The following LRBA variants were observed in gnomAD, a reference collection of about 807,000 sequenced individuals.
LRBA encodes lipopolysaccharide-responsive and beige-like anchor protein.
Under a neutral mutation model 330.0 loss-of-function variants are expected in LRBA, and 176 were observed. That is an observed-to-expected ratio of 0.53 (90% CI 0.47 to 0.60). LRBA has a LOEUF of 0.60. Ranked by LOEUF, LRBA falls within the 20% of genes least tolerant of loss-of-function variation. The pLI is 0.00. For missense variants in LRBA, 3,259 were observed against 3,444.8 expected (o/e 0.95, Z 1.35); for synonymous variants, 1,230 against 1,193.0 (o/e 1.03, Z -0.64).
At chr4:150,765,953 T>C (rs1735710124) in intron 34 of LRBA, among the ~76,000 whole-genome samples, 1 of 152,072 alleles carries the variant, frequency 6.6e-6, no homozygotes, top group African/African-American at 2.4e-5. Flanking sequence ...AAACTTATCT[T>C]GGTATGTCAC....
intron 35 of LRBA, among the ~76,000 whole-genome samples, chr4:150,752,817 A>T (rs1291148216): frequency 6.6e-6 from 1 of 152,188 alleles, no homozygotes; most frequent in Admixed American, 6.5e-5. Context: ...AAGCAAAAAG[A>T]CCAGGCTGCA....
chr4:150,551,823 A>G (rs1333989847), intron 40 of LRBA, among the ~76,000 whole-genome samples: 1 of 152,214 alleles, frequency 6.6e-6, no homozygotes, highest in South Asian at 2.1e-4. Flanking sequence ...ATGTGTATAT[A>G]TATTTTTTAC....
intron 30 of LRBA, among the ~76,000 whole-genome samples, chr4:150,826,662 C>T (rs1413060717): frequency 2.0e-5 from 3 of 152,012 alleles, no homozygotes; most frequent in African/African-American, 7.3e-5. Flanking sequence ...TGCTCCTGAC[C>T]ACCCAGAGCT....
intron 40 of LRBA, among the ~76,000 whole-genome samples, chr4:150,562,766 T>G (rs1351499093): frequency 6.6e-6 from 1 of 152,056 alleles, no homozygotes; most frequent in Non-Finnish European, 1.5e-5. Flanking sequence ...TCTTACTCAT[T>G]TTCATTTCTC....
intron 47 of LRBA, among the ~76,000 whole-genome samples, chr4:150,365,686 G>A (rs966508563): frequency 6.6e-6 from 1 of 151,514 alleles, no homozygotes; most frequent in African/African-American, 2.4e-5. Flanking sequence ...AGCTACTCAG[G>A]AGGCTGAGGC....
chr4:151,012,052 G>T (rs1744916649), intron 2 of LRBA, among the ~76,000 whole-genome samples: 1 of 152,096 alleles, frequency 6.6e-6, no homozygotes, highest in South Asian at 2.1e-4. Context: ...GACAATGGAA[G>T]GGGAGAAACT....
intron 44 of LRBA, among the ~76,000 whole-genome samples, chr4:150,443,859 T>A (rs1250465248): frequency 6.8e-4 from 34 of 49,904 alleles, no homozygotes; most frequent in East Asian, 1.5e-3. Flanking sequence ...AAAAAATATA[T>A]ATATATATAT....
chr4:150,799,010 A>G (rs1741197719), intron 33 of LRBA, among the ~76,000 whole-genome samples: 1 of 152,170 alleles, frequency 6.6e-6, no homozygotes, highest in Non-Finnish European at 1.5e-5. Context: ...TTTCTCCCGA[A>G]GAAAACTCTT....
intron 40 of LRBA, among the ~76,000 whole-genome samples, chr4:150,585,642 C>A (rs1039147831): frequency 3.9e-5 from 6 of 152,146 alleles, no homozygotes; most frequent in Admixed American, 3.9e-4. Context: ...ATACTCCATT[C>A]GCTATGCTAA....
rs1014542718 is a variant in LRBA, at chr4:150,528,848, A to C, written c.6331-37813T>G. On this transcript the variant is annotated intron_variant, in intron 40 of 56. Transcript: ENST00000651943. ...TGAAATAACTGGGAAAATGGCTGCA[A>C]ATACAGTTGCAAAATAATGACCTGA... 3.3e-5 allele frequency among the ~76,000 whole-genome samples: 5 copies of C among 152,220 alleles called. No individual in the cohort carries two copies. The South Asian group carries it at 8.3e-4, about 25-fold the overall frequency.
intron 30 of LRBA, among the ~76,000 whole-genome samples, chr4:150,821,651 C>T (rs1384059432): frequency 2.6e-5 from 4 of 152,058 alleles, no homozygotes; most frequent in Admixed American, 6.6e-5. Flanking sequence ...TGCTATTTTA[C>T]TTAACATGCA....
At chr4:150,363,432 G>C (rs1739003945) in intron 47 of LRBA, among the ~76,000 whole-genome samples, 2 of 151,978 alleles carry the variant, frequency 1.3e-5, no homozygotes, top group South Asian at 4.2e-4. Context: ...ATGCTTTCAT[G>C]GTAATCTTGC....
intron 2 of LRBA, among the ~76,000 whole-genome samples, chr4:150,929,809 A>T (rs1468115920): frequency 3.9e-5 from 6 of 151,990 alleles, no homozygotes; most frequent in Middle Eastern, 3.2e-3. Flanking sequence ...TTTTAAATAA[A>T]TTTTTTTAAA....
chr4:150,803,726 A>G (rs916194042), intron 33 of LRBA, among the ~76,000 whole-genome samples: 4 of 152,220 alleles, frequency 2.6e-5, no homozygotes, highest in African/African-American at 4.8e-5. Flanking sequence ...TAAGTTACAT[A>G]AGAACTCTTA....
chr4:150,483,387 A>G (rs1757513070), intron 42 of LRBA, among the ~76,000 whole-genome samples: 2 of 152,012 alleles, frequency 1.3e-5, no homozygotes, highest in African/African-American at 4.8e-5. Context: ...TAATGAATGT[A>G]ATTTTATATT....
At chr4:150,768,555 T>C (rs896923483) in intron 34 of LRBA, among the ~76,000 whole-genome samples, 3 of 152,272 alleles carry the variant, frequency 2.0e-5, no homozygotes, top group East Asian at 1.9e-4. Flanking sequence ...GACTATGACA[T>C]TGTGAGTGAT....
intron 2 of LRBA, among the ~76,000 whole-genome samples, chr4:150,982,086 T>A (rs987787998): frequency 3.3e-5 from 5 of 151,908 alleles, no homozygotes; most frequent in Admixed American, 3.3e-4. Context: ...AAATAATAAA[T>A]GTACAGGCCA....
At chr4:150,379,303 CAAAAAA>C (rs10634420) in intron 47 of LRBA, among the ~76,000 whole-genome samples, 1 of 59,882 alleles carries the variant, frequency 1.7e-5, no homozygotes, top group Admixed American at 2.6e-4. Flanking sequence ...AACTCTAGCT[CAAAAAA>C]AAAAAAAAAA....
intron 28 of LRBA, among the ~76,000 whole-genome samples, chr4:150,836,190 G>A (rs1748036918): frequency 6.6e-6 from 1 of 152,158 alleles, no homozygotes; most frequent in Admixed American, 6.5e-5. Context: ...ATGTGCTGCT[G>A]GATTCGGTTT....
Sources: gnomAD v4.1 joint callset for allele counts (sites outside exome capture counted in the v4.1 genomes callset) on GRCh38, gnomAD v4.1.1 for gene constraint, MANE v1.5 for transcripts, NCBI Gene and HGNC (gene_info 2026-07-23, HGNC 2026-07-21) for gene names.